The following FBXW7 variants were observed in gnomAD, a reference collection of about 807,000 sequenced individuals.
The protein encoded by FBXW7 is F-box and WD repeat domain containing 7.
A neutral mutation model predicts 86.3 loss-of-function variants in FBXW7; 11 were observed. The ratio of observed to expected loss-of-function variants is 0.13; its 90% CI spans 0.08 to 0.21. FBXW7 has a LOEUF of 0.21. Ranked by LOEUF, FBXW7 falls within the 10% of genes least tolerant of loss-of-function variation. The pLI, the probability that FBXW7 is intolerant of heterozygous loss-of-function variation, is 1.00. For synonymous variants in FBXW7, 313 were observed against 297.9 expected, an observed-to-expected ratio of 1.05 and a Z score of -0.52; for missense variants, 488 against 847.4, an observed-to-expected ratio of 0.58 and a Z score of 5.27.
At chr4:152,372,828 C>A (rs1005221123) in intron 4 of FBXW7, among the ~76,000 whole-genome samples, 1 of 151,860 alleles carries the variant, frequency 6.6e-6, no homozygotes, top group Non-Finnish European at 1.5e-5. Flanking sequence ...AAGACAAAAT[C>A]ATACAAGTTG....
chr4:152,412,198 G>C (rs1738027098), intron 3 of FBXW7, among the ~76,000 whole-genome samples: 2 of 151,988 alleles, frequency 1.3e-5, no homozygotes, highest in Admixed American at 6.6e-5. Context: ...TACATCAGTA[G>C]TTCATAGACT....
intron 2 of FBXW7, among the ~76,000 whole-genome samples, chr4:152,508,818 T>A (rs1747692854): frequency 6.6e-6 from 1 of 151,570 alleles, no homozygotes; most frequent in African/African-American, 2.4e-5. Context: ...ACACTACTTA[T>A]GAATCACAAA....
chr4:152,492,089 A>G (rs1402090243), intron 2 of FBXW7, among the ~76,000 whole-genome samples: 3 of 151,994 alleles, frequency 2.0e-5, no homozygotes, highest in Non-Finnish European at 2.9e-5. Flanking sequence ...TTCTGTTTTT[A>G]TTTTTTCACT....
At chr4:152,338,028 G>A (rs1730335850) in intron 6 of FBXW7, 92 bp from the exon 7 acceptor site, 1 of 1,319,730 alleles carries the variant, frequency 7.6e-7, no homozygotes, top group Non-Finnish European at 1.0e-6. Flanking sequence ...CACAACCATA[G>A]TTGATCAGGG....
chr4:152,361,033 CAA>C (rs1353323866), intron 4 of FBXW7, among the ~76,000 whole-genome samples: 2 of 151,858 alleles, frequency 1.3e-5, no homozygotes, highest in African/African-American at 2.4e-5. Context: ...AGTTATGAAT[CAA>C]AGTCTGTGAA....
intron 4 of FBXW7, among the ~76,000 whole-genome samples, chr4:152,354,715 A>G (rs1732202380): frequency 6.6e-6 from 1 of 152,136 alleles, no homozygotes; most frequent in Non-Finnish European, 1.5e-5. Flanking sequence ...CCATGGTTAT[A>G]TGGCTCCTAC....
At position 152,384,526 on chromosome 4, in the gene FBXW7, G is replaced by A. The variant is rs1046010288; in HGVS notation, c.501+26777C>T. ...ATGGTTGTCTGAGACAGGGAGAGGG[G>A]GAAATGAGAGTTAGTGTTTAGTTGG... On this transcript the variant is annotated intron_variant, in intron 4 of 13. Transcript: ENST00000281708. 2.6e-5 allele frequency among the ~76,000 whole-genome samples: 4 copies of A among 151,938 alleles called. No homozygotes were observed. The East Asian group carries it at 7.7e-4, about 29-fold the overall frequency.
intron 7 of FBXW7, 29 bp downstream of exon 7, chr4:152,337,773 C>G (rs1248913759): frequency 6.3e-7 from 1 of 1,589,056 alleles, no homozygotes; most frequent in South Asian, 1.2e-5. Context: ...AAATAACACC[C>G]AATGAAGAAT....
chr4:152,359,367 G>A (rs779280838), intron 4 of FBXW7, among the ~76,000 whole-genome samples: 53 of 152,190 alleles, frequency 3.5e-4, no homozygotes, highest in African/African-American at 1.2e-3. Flanking sequence ...TTGGGAGGCC[G>A]AGGCAGGAGG....
At chr4:152,464,419 G>A (rs1448125256) in intron 2 of FBXW7, among the ~76,000 whole-genome samples, 1 of 152,124 alleles carries the variant, frequency 6.6e-6, no homozygotes, top group African/African-American at 2.4e-5. Flanking sequence ...TGAGGAAAAA[G>A]GGTATAAAAT....
intron 2 of FBXW7, among the ~76,000 whole-genome samples, chr4:152,484,172 A>T (rs1205500581): frequency 6.6e-6 from 1 of 152,132 alleles, no homozygotes; most frequent in African/African-American, 2.4e-5. Flanking sequence ...TTTAAAATTT[A>T]TTACTACTTA....
intron 2 of FBXW7, among the ~76,000 whole-genome samples, chr4:152,494,494 G>A (rs188492472): frequency 6.6e-6 from 1 of 152,136 alleles, no homozygotes; most frequent in Non-Finnish European, 1.5e-5. Flanking sequence ...GTCCTTTGAG[G>A]TAACTTTTTA....
intron 2 of FBXW7, among the ~76,000 whole-genome samples, chr4:152,515,111 TTAGAAAG>T (rs1748354504): frequency 6.6e-6 from 1 of 152,074 alleles, no homozygotes; most frequent in South Asian, 2.1e-4. Context: ...GGAAACATAC[TTAGAAAG>T]CTTCAAGAAG....
intron 4 of FBXW7, among the ~76,000 whole-genome samples, chr4:152,398,067 TA>T (rs201544364): frequency 4.0e-5 from 6 of 150,742 alleles, no homozygotes; most frequent in Admixed American, 1.3e-4. Flanking sequence ...AGCTGCTTGT[TA>T]AAAAAAAAGC....
chr4:152,530,024 C>G (rs1749871666), intron 2 of FBXW7, among the ~76,000 whole-genome samples: 1 of 149,162 alleles, frequency 6.7e-6, no homozygotes, highest in Admixed American at 6.7e-5. Context: ...CCACAGCACT[C>G]CAGCCTGGGT....
chr4:152,404,192 C>T (rs919045930), intron 4 of FBXW7, among the ~76,000 whole-genome samples: 1 of 152,164 alleles, frequency 6.6e-6, no homozygotes, highest in African/African-American at 2.4e-5. Context: ...GATATAATGA[C>T]ATTTCCTGTG....
intron 4 of FBXW7, among the ~76,000 whole-genome samples, chr4:152,354,898 A>G (rs1340556489): frequency 6.6e-6 from 1 of 152,118 alleles, no homozygotes; most frequent in Non-Finnish European, 1.5e-5. Flanking sequence ...TCCATCTACC[A>G]TGGTTCCCAT....
At chr4:152,403,582 G>C (rs538743146) in intron 4 of FBXW7, among the ~76,000 whole-genome samples, 2 of 152,212 alleles carry the variant, frequency 1.3e-5, no homozygotes, top group Admixed American at 6.5e-5. Context: ...CAGGGGAAGT[G>C]GGGGGATGGT....
chr4:152,433,810 C>T (rs1740126138), intron 2 of FBXW7, among the ~76,000 whole-genome samples: 1 of 152,036 alleles, frequency 6.6e-6, no homozygotes, highest in Admixed American at 6.5e-5. Flanking sequence ...ATTCACTATG[C>T]TTTCTAGTTC....
Sources: allele counts gnomAD v4.1 joint callset (sites outside exome capture counted in the v4.1 genomes callset), GRCh38; gene constraint gnomAD v4.1.1; transcripts MANE v1.5; gene names NCBI Gene and HGNC (gene_info 2026-07-23, HGNC 2026-07-21).